Variants in VAV3 observed in about 807,000 individuals in gnomAD.
The protein encoded by VAV3 is vav guanine nucleotide exchange factor 3.
Under a neutral mutation model 131.2 loss-of-function variants are expected in VAV3, and 94 were observed. The observed-to-expected ratio is 0.72, with a 90% CI of 0.61 to 0.85. The LOEUF is 0.85. VAV3 is among the 40% of genes least tolerant of loss of function. VAV3 has a pLI of 0.00. For missense variants in VAV3, 939 were observed against 1,002.7 expected (o/e 0.94, Z 0.86); for synonymous variants, 349 against 342.0 (o/e 1.02, Z -0.22).
chr1:107,628,100 C>T (rs541596471), intron 20 of VAV3, among the ~76,000 whole-genome samples: 5 of 152,132 alleles, frequency 3.3e-5, no homozygotes, highest in African/African-American at 1.2e-4. Context: ...CAGTATTGTG[C>T]CTTGATGATA....
At chr1:107,602,365 TC>T in intron 24 of VAV3, 31 bp downstream of exon 24, 1 of 1,427,648 alleles carries the variant, frequency 7.0e-7, no homozygotes, top group South Asian at 1.3e-5. Flanking sequence ...AAAATAAGGA[TC>T]CCAGATTGAA....
chr1:107,880,212 A>G lies in VAV3; in HGVS notation c.205-5195T>C, dbSNP rs138325007. Among the ~76,000 whole-genome samples, 630 of 152,352 alleles carry G rather than the reference A, an allele frequency of 4.1e-3. 5 individuals carry two copies. The highest frequency in any genetic ancestry group is 0.014 in the African/African-American group (592 of 41,590). ...GACAGCTTTCTGGAATAACTGATACATGAGGTAAGAAAGGATGAGTGGGAG... is the reference window on the plus strand; with the variant it reads ...GACAGCTTTCTGGAATAACTGATACGTGAGGTAAGAAAGGATGAGTGGGAG... On this transcript the variant is annotated intron_variant, in intron 1 of 26. Transcript: ENST00000370056.
At position 107,755,629 on chromosome 1, in the gene VAV3, T is replaced by TTG. The variant is rs1479955151; in HGVS notation, c.1087-117_1087-116insCA. The TTG allele has an allele frequency of 8.7e-6, 6 of 692,568 alleles. No individual in the cohort carries two copies. The East Asian group carries it at 1.7e-4, about 19-fold the overall frequency. The allele number at this position is 692,568 out of a possible 1,614,324, so 42.9% of individuals were successfully genotyped here. ...AGTGGTAAAAGTAACCACTGTAACT[T>TTG]TTCAAAGACAGTAAAATGAATGCCC... On this transcript the variant is annotated intron_variant, in intron 11 of 26. Coordinates refer to ENST00000370056, the MANE Select transcript of VAV3 (RefSeq NM_006113.5).
intron 1 of VAV3, among the ~76,000 whole-genome samples, chr1:107,895,721 T>C (rs1214880165): frequency 6.6e-6 from 1 of 152,200 alleles, no homozygotes; most frequent in Non-Finnish European, 1.5e-5. Context: ...CAATAAATAA[T>C]AGAGTAGCAT....
chr1:107,633,526 T>C (rs2101414378), intron 20 of VAV3, among the ~76,000 whole-genome samples: 1 of 152,334 alleles, frequency 6.6e-6, no homozygotes, highest in Non-Finnish European at 1.5e-5. Flanking sequence ...GGGCTGCTCA[T>C]GCGGCTTCAA....
At chr1:107,643,272 C>G (rs1156949001) in intron 19 of VAV3, among the ~76,000 whole-genome samples, 1 of 152,138 alleles carries the variant, frequency 6.6e-6, no homozygotes, top group South Asian at 2.1e-4. Flanking sequence ...ATACTTAAGA[C>G]ATTCATATGG....
intron 1 of VAV3, among the ~76,000 whole-genome samples, chr1:107,910,947 T>C (rs1257164188): frequency 6.6e-6 from 1 of 150,450 alleles, no homozygotes; most frequent in Non-Finnish European, 1.5e-5. Flanking sequence ...ACCATTGCAC[T>C]CTGGGCTGGG....
At chr1:107,589,291 C>A (rs1207650030) in intron 25 of VAV3, among the ~76,000 whole-genome samples, 1 of 152,198 alleles carries the variant, frequency 6.6e-6, no homozygotes, top group Non-Finnish European at 1.5e-5. Context: ...AGTTAAGGAT[C>A]TCATAATGAG....
At chr1:107,591,261 A>G (rs564143372) in intron 25 of VAV3, among the ~76,000 whole-genome samples, 1 of 152,278 alleles carries the variant, frequency 6.6e-6, no homozygotes, top group East Asian at 1.9e-4. Context: ...CTTCAGCTTC[A>G]TAAGGATTAT....
chr1:107,809,394 A>G (rs1667212398), intron 2 of VAV3, among the ~76,000 whole-genome samples: 1 of 152,226 alleles, frequency 6.6e-6, no homozygotes, highest in Non-Finnish European at 1.5e-5. Context: ...GCATTACTGT[A>G]TCAGCACCCA....
At chr1:107,961,045 T>C (rs1306939895) in intron 1 of VAV3, among the ~76,000 whole-genome samples, 1 of 152,122 alleles carries the variant, frequency 6.6e-6, no homozygotes, top group African/African-American at 2.4e-5. Context: ...GTTGAGTTTG[T>C]CCAAGACAGT....
chr1:107,635,472 G>C (rs965972183), intron 20 of VAV3, among the ~76,000 whole-genome samples: 1 of 115,404 alleles, frequency 8.7e-6, no homozygotes, highest in Non-Finnish European at 1.7e-5. Flanking sequence ...GCCTGTTGTG[G>C]GGTGGGGGGA....
chr1:107,645,847 C>T (rs558688207), intron 19 of VAV3, among the ~76,000 whole-genome samples: 27 of 152,060 alleles, frequency 1.8e-4, no homozygotes, highest in African/African-American at 5.8e-4. Flanking sequence ...AGAAAATATG[C>T]CTCTGATAGG....
At chr1:107,811,270 G>A (rs1180786252) in intron 2 of VAV3, among the ~76,000 whole-genome samples, 7 of 152,286 alleles carry the variant, frequency 4.6e-5, no homozygotes, top group African/African-American at 1.7e-4. Flanking sequence ...ACAGGACTCC[G>A]ATGCTTTACA....
chr1:107,897,284 T>A (rs568410749), intron 1 of VAV3: 1 of 150,904 alleles, frequency 6.6e-6, no homozygotes, highest in Non-Finnish European at 1.5e-5. Context: ...GGCATATGTA[T>A]GTAGTAGTCA....
intron 26 of VAV3, among the ~76,000 whole-genome samples, 178 bp downstream of exon 26, chr1:107,573,869 T>C (rs890630996): frequency 6.6e-6 from 1 of 152,186 alleles, no homozygotes; most frequent in South Asian, 2.1e-4. Flanking sequence ...TCATTTCAAA[T>C]ATTTTCAGCG....
At chr1:107,960,414 T>G (rs1675027674) in intron 1 of VAV3, among the ~76,000 whole-genome samples, 1 of 151,412 alleles carries the variant, frequency 6.6e-6, no homozygotes, top group South Asian at 2.1e-4. Flanking sequence ...TGCAGTGAGC[T>G]GAGATCAGGC....
At chr1:107,852,012 A>T (rs1476662906) in intron 2 of VAV3, among the ~76,000 whole-genome samples, 1 of 152,158 alleles carries the variant, frequency 6.6e-6, no homozygotes, top group Non-Finnish European at 1.5e-5. Context: ...TCATTGAGGC[A>T]GAACTGATTC....
intron 15 of VAV3, among the ~76,000 whole-genome samples, chr1:107,732,613 G>A (rs939174837): frequency 2.0e-5 from 3 of 152,222 alleles, no homozygotes; most frequent in African/African-American, 4.8e-5. Flanking sequence ...TTCACTGCTA[G>A]CTCAGCAGTC....
Sources: allele counts gnomAD v4.1 joint callset (sites outside exome capture counted in the v4.1 genomes callset), GRCh38; gene constraint gnomAD v4.1.1; transcripts MANE v1.5; gene names NCBI Gene and HGNC (gene_info 2026-07-23, HGNC 2026-07-21).